CYFIP1: variants seen among roughly 807,000 people sequenced by gnomAD.
The protein encoded by CYFIP1 is cytoplasmic FMR1-interacting protein 1.
A neutral mutation model predicts 163.5 loss-of-function variants in CYFIP1; 58 were observed. The ratio of observed to expected loss-of-function variants is 0.35; its 90% CI spans 0.29 to 0.44. The LOEUF (loss-of-function observed/expected upper bound fraction) is 0.44, where lower values mean the gene tolerates loss of function less well. Ranked by LOEUF, CYFIP1 falls within the 20% of genes least tolerant of loss-of-function variation. CYFIP1 has a pLI of 1.00. For synonymous variants in CYFIP1, 663 were observed against 660.7 expected, an observed-to-expected ratio of 1.00 and a Z score of -0.05; for missense variants, 1,338 against 1,653.8, an observed-to-expected ratio of 0.81 and a Z score of 3.31.
intron 27 of CYFIP1, among the ~76,000 whole-genome samples, chr15:22,874,964 C>G (rs573353399): frequency 2.8e-4 from 42 of 152,296 alleles, no homozygotes; most frequent in Admixed American, 7.8e-4. Context: ...TACCCAACTC[C>G]CCCTGCTCCC....
chr15:22,937,545 T>C (rs189843030), intron 8 of CYFIP1, among the ~76,000 whole-genome samples: 1 of 152,116 alleles, frequency 6.6e-6, no homozygotes, highest in Non-Finnish European at 1.5e-5. Context: ...TAATGTCCAA[T>C]ATGCAGCCAC....
chr15:22,947,703 T>C (rs892360500), intron 1 of CYFIP1, among the ~76,000 whole-genome samples: 3 of 152,096 alleles, frequency 2.0e-5, no homozygotes, highest in African/African-American at 4.8e-5. Context: ...AGAGCCTCCC[T>C]AAATGCAGCC....
chr15:22,940,201 C>T (rs1265282772), intron 6 of CYFIP1, among the ~76,000 whole-genome samples: 1 of 152,180 alleles, frequency 6.6e-6, no homozygotes, highest in Non-Finnish European at 1.5e-5. Flanking sequence ...CTGTGCAACC[C>T]AGAACCTTGG....
At chr15:22,880,362 G>C (rs2059719166) in intron 25 of CYFIP1, among the ~76,000 whole-genome samples, 1 of 152,196 alleles carries the variant, frequency 6.6e-6, no homozygotes, top group Non-Finnish European at 1.5e-5. Flanking sequence ...CATCCCCAGT[G>C]GGGGCAGACA....
chr15:22,963,501 TAACATAAC>T (rs2062762669), intron 1 of CYFIP1, among the ~76,000 whole-genome samples: 1 of 63,004 alleles, frequency 1.6e-5, no homozygotes, highest in South Asian at 5.4e-4. Flanking sequence ...AAAAATAACA[TAACATAAC>T]ATAACATAAC....
intron 13 of CYFIP1, among the ~76,000 whole-genome samples, chr15:22,921,890 A>T (rs1001775681): frequency 6.6e-6 from 1 of 152,174 alleles, no homozygotes; most frequent in African/African-American, 2.4e-5. Flanking sequence ...ACAGAGGTCA[A>T]TGGGATAGGA....
intron 1 of CYFIP1, among the ~76,000 whole-genome samples, chr15:22,969,058 G>C (rs184385326): frequency 6.6e-6 from 1 of 152,244 alleles, no homozygotes; most frequent in Admixed American, 6.5e-5. Context: ...TGACCACACA[G>C]GCTCTGAGCA....
intron 25 of CYFIP1, among the ~76,000 whole-genome samples, chr15:22,880,610 C>A (rs750511938): frequency 2.0e-5 from 3 of 152,200 alleles, no homozygotes; most frequent in Admixed American, 2.0e-4. Flanking sequence ...AGCCAATCTA[C>A]AGCTTCAACT....
At chr15:22,930,329 T>C (rs1170917416) in intron 11 of CYFIP1, among the ~76,000 whole-genome samples, 1 of 142,256 alleles carries the variant, frequency 7.0e-6, no homozygotes, top group Non-Finnish European at 1.5e-5. Flanking sequence ...TGGCTTGCAG[T>C]GAGCCGAGAT....
At chr15:22,921,522 G>A (rs370319714) in intron 13 of CYFIP1, among the ~76,000 whole-genome samples, 13 of 151,486 alleles carry the variant, frequency 8.6e-5, no homozygotes, top group African/African-American at 3.1e-4. Context: ...AGAAAAAAAA[G>A]ACAGAGAAGC....
chr15:22,918,776 T>C lies in CYFIP1; in HGVS notation c.1442A>G (p.Tyr481Cys), dbSNP rs776073938. 1.2e-6 allele frequency: 2 copies of C among 1,613,538 alleles called. No homozygotes were observed. The highest frequency in any genetic ancestry group is 8.5e-7 in the Non-Finnish European group (1 of 1,179,670). ...CTGGGAGAAGTCCTGCAGTGCGGCA[T>C]AGACGGTGTGCCGGATGGCGTGGTT... ...VFNHAIRHTV[Y>C]AALQDFSQVT... Residue 481 changes from tyrosine (Y) to cysteine (C), a missense_variant, in exon 14 of 31, where the codon TAT becomes TGT. Transcript: ENST00000617928.
intron 24 of CYFIP1, 105 bp downstream of exon 24, chr15:22,882,763 A>C: frequency 7.4e-7 from 1 of 1,356,546 alleles, no homozygotes; most frequent in East Asian, 2.3e-5. Flanking sequence ...TAATTGAACG[A>C]ATCCAGCTGT....
chr15:22,914,815 C>T lies in CYFIP1; in HGVS notation c.1896G>A (p.Met632Ile). ...WFREFFLELT[M>I]GRRIQFPIEM... ...CAATGGGGAACTGGATCCTCCTGCC[C>T]ATGGTCAGCTCCAGGAAGAACTCTC... Residue 632 changes from methionine to isoleucine, a missense_variant, in exon 17 of 31, where the codon ATG (methionine) becomes ATA (isoleucine). Met to Ile is a conservative substitution (Grantham distance 10). This residue lies in a region of CYFIP1 where 824 missense variants were observed against 995.7 expected (regional missense o/e 0.83). Coordinates refer to ENST00000617928, the MANE Select transcript of CYFIP1 (RefSeq NM_014608.6). The T allele has an allele frequency of 6.2e-7, 1 of 1,613,386 alleles. No individual in the cohort carries two copies. The highest frequency in any genetic ancestry group is 8.5e-7 in the Non-Finnish European group (1 of 1,179,694).
At position 22,926,078 on chromosome 15, in the gene CYFIP1, G is replaced by C. The variant is rs750871955; in HGVS notation, c.1263C>G (p.Asp421Glu). ...VYSWKLVHPT[D>E]KYSNKDCPDS... ...CGGGGCAGTCCTTGTTGGAGTACTTGTCGGTGGGGTGCACAAGCTTCCAGG... is the reference window on the plus strand; with the variant it reads ...CGGGGCAGTCCTTGTTGGAGTACTTCTCGGTGGGGTGCACAAGCTTCCAGG... Residue 421 changes from aspartate (D) to glutamate (E), a missense_variant, in exon 13 of 31, where the codon GAC (aspartate) becomes GAG (glutamate). Around this residue, in one of 4 missense-constraint regions of CYFIP1, gnomAD observed 824 missense variants for 995.7 expected, o/e 0.83. Coordinates refer to ENST00000617928, the MANE Select transcript of CYFIP1 (RefSeq NM_014608.6). The C allele has an allele frequency of 6.2e-7, 1 of 1,614,182 alleles. No homozygotes were observed. The highest frequency in any genetic ancestry group is 8.5e-7 in the Non-Finnish European group (1 of 1,180,024).
chr15:22,893,555 G>A (rs920202591), intron 22 of CYFIP1, among the ~76,000 whole-genome samples: 2 of 152,184 alleles, frequency 1.3e-5, no homozygotes, highest in Non-Finnish European at 2.9e-5. Flanking sequence ...GTATAAGAAA[G>A]ACAATTTTGT....
At chr15:22,948,447 A>T (rs1023499814) in intron 1 of CYFIP1, among the ~76,000 whole-genome samples, 1 of 152,198 alleles carries the variant, frequency 6.6e-6, no homozygotes, top group Non-Finnish European at 1.5e-5. Context: ...CCACAGCCCA[A>T]GTCTCCTCAG....
chr15:22,900,452 G>A (rs1196545973), intron 22 of CYFIP1, among the ~76,000 whole-genome samples: 1 of 149,132 alleles, frequency 6.7e-6, no homozygotes, highest in Admixed American at 6.7e-5. Context: ...AGGGTGGAGT[G>A]CAGTGGTGCA....
Position 22,884,707 on chromosome 15 carries a change from C to G in CYFIP1, c.2677-1696G>C, listed in dbSNP as rs1365157330. Among the ~76,000 whole-genome samples the G allele has an allele frequency of 5.3e-5, 8 of 152,264 alleles. No individual in the cohort carries two copies. The East Asian group carries it at 1.5e-3, about 29-fold the overall frequency. ...CAGTGGGGACTCTGTGTGTGGGGCTCCAACCCCCCATTTCCCTTCCTCACT... is the reference window on the plus strand; with the variant it reads ...CAGTGGGGACTCTGTGTGTGGGGCTGCAACCCCCCATTTCCCTTCCTCACT... On this transcript the variant is annotated intron_variant, in intron 23 of 30. Coordinates refer to ENST00000617928, the MANE Select transcript of CYFIP1 (RefSeq NM_014608.6).
intron 20 of CYFIP1, among the ~76,000 whole-genome samples, chr15:22,909,909 T>C (rs1021737437): frequency 6.6e-6 from 1 of 152,146 alleles, no homozygotes; most frequent in African/African-American, 2.4e-5. Context: ...TCTGAGCTGA[T>C]GAGTGCTTCT....
Sources: allele counts gnomAD v4.1 joint callset (sites outside exome capture counted in the v4.1 genomes callset), GRCh38; gene constraint gnomAD v4.1.1; regional missense constraint gnomAD v4.1.1; transcripts MANE v1.5; gene names NCBI Gene and HGNC (gene_info 2026-07-23, HGNC 2026-07-21).